Variants in TENM2 observed in about 807,000 individuals in gnomAD.
TENM2 encodes teneurin transmembrane protein 2, also known as teneurin-2.
In TENM2, 52 loss-of-function variants were observed where a neutral mutation model predicts 245.2. That is an observed-to-expected ratio of 0.21 (90% confidence interval 0.17 to 0.27). The LOEUF is 0.27. TENM2 is among the 10% of genes least tolerant of loss of function. The pLI, the probability that TENM2 is intolerant of heterozygous loss-of-function variation, is 1.00. For missense variants in TENM2, 3,046 were observed against 3,666.8 expected, an observed-to-expected ratio of 0.83 and a Z score of 4.37; for synonymous variants, 1,363 against 1,438.9, an observed-to-expected ratio of 0.95 and a Z score of 1.19.
chr5:167,061,764 C>T, the TENM2 span, among the ~76,000 whole-genome samples: 6 of 151,880 alleles, frequency 4.0e-5, no homozygotes, highest in Non-Finnish European at 5.9e-5. Context: ...GTGTGTTAAA[C>T]GTGTTTACTT....
At chr5:168,225,694 G>A (rs968934078) in intron 23 of TENM2, among the ~76,000 whole-genome samples, 2 of 151,426 alleles carry the variant, frequency 1.3e-5, no homozygotes, top group Non-Finnish European at 2.9e-5. Context: ...CCAGGAGGTG[G>A]AGGTTGCAGT....
intron 2 of TENM2, among the ~76,000 whole-genome samples, chr5:167,665,779 G>A (rs1755536185): frequency 6.6e-6 from 1 of 152,060 alleles, no homozygotes; most frequent in African/African-American, 2.4e-5. Flanking sequence ...TTTTCCCCCT[G>A]GAAAGTGGCC....
upstream of TENM2, chr5:167,284,687 G>A (rs758495021): frequency 2.1e-4 from 134 of 633,772 alleles, no homozygotes; most frequent in African/African-American, 1.6e-3. Context: ...GTTTTCGTCT[G>A]AGTCAGAGCA....
intron 12 of TENM2, among the ~76,000 whole-genome samples, chr5:168,135,586 A>G (rs968584330): frequency 1.3e-5 from 2 of 152,174 alleles, no homozygotes; most frequent in African/African-American, 4.8e-5. Flanking sequence ...TTTTCCATTA[A>G]TGGGTAATAA....
chr5:167,518,491 A>G (rs2127578946), intron 2 of TENM2, among the ~76,000 whole-genome samples: 1 of 152,322 alleles, frequency 6.6e-6, no homozygotes, highest in Non-Finnish European at 1.5e-5. Flanking sequence ...AAAACAATTG[A>G]ATGTTTGTAA....
chr5:167,210,278 G>A, the TENM2 span, among the ~76,000 whole-genome samples: 3 of 152,118 alleles, frequency 2.0e-5, no homozygotes, highest in Non-Finnish European at 4.4e-5. Context: ...CCACCTTACT[G>A]TGCTTCTTTC....
intron 2 of TENM2, among the ~76,000 whole-genome samples, chr5:167,399,949 A>G (rs1762272589): frequency 6.6e-6 from 1 of 152,066 alleles, no homozygotes; most frequent in Non-Finnish European, 1.5e-5. Context: ...CTTACATGGT[A>G]TGATCGGGAA....
intron 2 of TENM2, among the ~76,000 whole-genome samples, chr5:167,462,904 C>T (rs1050981852): frequency 3.9e-5 from 6 of 152,032 alleles, no homozygotes; most frequent in African/African-American, 9.7e-5. Context: ...CAAGTATTTC[C>T]GTTTCCTGTC....
At chr5:167,256,344 G>A in the TENM2 span, among the ~76,000 whole-genome samples, 1 of 152,110 alleles carries the variant, frequency 6.6e-6, no homozygotes, top group East Asian at 1.9e-4. Flanking sequence ...TTACCCCCAT[G>A]ACAAATAAAA....
the TENM2 span, among the ~76,000 whole-genome samples, chr5:167,220,204 G>C: frequency 6.6e-6 from 1 of 152,108 alleles, no homozygotes; most frequent in African/African-American, 2.4e-5. Flanking sequence ...TCTTTCTTAA[G>C]AGGTATCCTC....
At chr5:168,137,408 C>T (rs1755145391) in intron 12 of TENM2, among the ~76,000 whole-genome samples, 2 of 152,200 alleles carry the variant, frequency 1.3e-5, no homozygotes, top group South Asian at 4.1e-4. Context: ...GAAACAATGC[C>T]AGGGAGTGGG....
At chr5:168,109,427 C>T (rs1021451647) in intron 9 of TENM2, among the ~76,000 whole-genome samples, 5 of 152,320 alleles carry the variant, frequency 3.3e-5, no homozygotes, top group East Asian at 1.9e-4. Flanking sequence ...TGATCGTCTC[C>T]GTTTCACAGC....
At chr5:167,227,301 G>A in the TENM2 span, among the ~76,000 whole-genome samples, 1 of 151,888 alleles carries the variant, frequency 6.6e-6, no homozygotes, top group Non-Finnish European at 1.5e-5. Context: ...GATTTTTGTA[G>A]TGGTACCATT....
rs549424088 is a variant in TENM2, at chr5:168,100,721, G to C, written c.1813+2594G>C. ...GACACAGGGAGGGGAACATCACACAGTGAGGCCTGTCAGGGGGTTGGGGGC... is the reference window on the plus strand; with the variant it reads ...GACACAGGGAGGGGAACATCACACACTGAGGCCTGTCAGGGGGTTGGGGGC... On this transcript the variant is annotated intron_variant, in intron 9 of 28. Transcript: ENST00000518659. 2.0e-5 allele frequency among the ~76,000 whole-genome samples: 3 copies of C among 152,128 alleles called. No individual in the cohort carries two copies. The East Asian group carries it at 5.8e-4, about 29-fold the overall frequency.
chr5:167,660,464 C>CAAAAAAAAAAAAA (rs749846307), intron 2 of TENM2: 3 of 33,168 alleles, frequency 9.0e-5, no homozygotes, highest in African/African-American at 2.2e-4. Context: ...GGCTGTGTCT[C>CAAAAAAAAAAAAA]AAAAAAAAAA....
intron 4 of TENM2, among the ~76,000 whole-genome samples, chr5:167,987,712 G>A (rs187824082): frequency 2.6e-5 from 4 of 152,008 alleles, no homozygotes; most frequent in African/African-American, 4.8e-5. Flanking sequence ...ACTGAGTGCC[G>A]CGTTAAAAAC....
intron 25 of TENM2, among the ~76,000 whole-genome samples, chr5:168,243,433 A>C (rs1766280331): frequency 1.3e-5 from 2 of 152,218 alleles, no homozygotes; most frequent in Admixed American, 6.5e-5. Flanking sequence ...GATGTCTCAC[A>C]TTCTTGACAG....
the TENM2 span, among the ~76,000 whole-genome samples, chr5:167,245,649 A>G: frequency 6.6e-6 from 1 of 152,184 alleles, no homozygotes; most frequent in East Asian, 1.9e-4. Flanking sequence ...TCAATAAGTT[A>G]TGGAACATCA....
chr5:167,335,444 C>G (rs956760795), intron 1 of TENM2, among the ~76,000 whole-genome samples: 2 of 152,182 alleles, frequency 1.3e-5, no homozygotes, highest in African/African-American at 4.8e-5. Flanking sequence ...TATCAGTTGG[C>G]TGGCTAGCAA....
Sources: allele counts gnomAD v4.1 joint callset (sites outside exome capture counted in the v4.1 genomes callset), GRCh38; gene constraint gnomAD v4.1.1; transcripts MANE v1.5; gene names NCBI Gene and HGNC (gene_info 2026-07-23, HGNC 2026-07-21).